Variants in PCBP3 observed in about 807,000 individuals in gnomAD.
PCBP3 encodes the protein poly(rC) binding protein 3.
In PCBP3, 25 loss-of-function variants were observed where a neutral mutation model predicts 52.7. The ratio of observed to expected loss-of-function variants is 0.47; its 90% CI spans 0.35 to 0.66. PCBP3 has a LOEUF of 0.66. PCBP3 is among the 30% of genes least tolerant of loss of function. The pLI is 0.01. For synonymous variants in PCBP3, 162 were observed against 183.0 expected, an observed-to-expected ratio of 0.89 and a Z score of 0.93; for missense variants, 391 against 490.3, an observed-to-expected ratio of 0.80 and a Z score of 1.91.
intron 4 of PCBP3, chr21:45,761,916 A>C (rs2088707345): frequency 6.6e-6 from 1 of 152,262 alleles, no homozygotes; most frequent in Non-Finnish European, 1.5e-5. Context: ...TCCTGATGGC[A>C]TCTTGTAACT....
At chr21:45,701,800 T>A (rs2083145696) in intron 2 of PCBP3, among the ~76,000 whole-genome samples, 2 of 152,236 alleles carry the variant, frequency 1.3e-5, no homozygotes, top group African/African-American at 2.4e-5. Context: ...CCTCAAATGA[T>A]CTGCCCAATT....
At chr21:45,834,536 G>A (rs1336140005) in intron 4 of PCBP3, among the ~76,000 whole-genome samples, 2 of 152,124 alleles carry the variant, frequency 1.3e-5, no homozygotes, top group Non-Finnish European at 2.9e-5. Context: ...AGAGGTCCTC[G>A]TGCTGGCCTC....
intron 4 of PCBP3, among the ~76,000 whole-genome samples, chr21:45,820,014 TG>T (rs1421662745): frequency 5.9e-5 from 9 of 152,222 alleles, no homozygotes; most frequent in Admixed American, 3.9e-4. Flanking sequence ...CTGGGGAAGG[TG>T]GGGTGAATGT....
At chr21:45,878,746 C>T (rs2095329549) in intron 5 of PCBP3, among the ~76,000 whole-genome samples, 2 of 152,158 alleles carry the variant, frequency 1.3e-5, no homozygotes, top group South Asian at 2.1e-4. Flanking sequence ...TGGAGTGTTA[C>T]GACAATATTC....
chr21:45,826,041 G>C (rs1313112483), intron 4 of PCBP3, among the ~76,000 whole-genome samples: 1 of 152,300 alleles, frequency 6.6e-6, no homozygotes, highest in East Asian at 1.9e-4. Context: ...GGAGGCCAAG[G>C]CAAGGTTGGG....
At chr21:45,769,116 T>C (rs1038287751) in intron 4 of PCBP3, among the ~76,000 whole-genome samples, 6 of 152,214 alleles carry the variant, frequency 3.9e-5, no homozygotes, top group African/African-American at 1.4e-4. Flanking sequence ...AGCCCCTCTT[T>C]CATTTGTTTC....
intron 1 of PCBP3, among the ~76,000 whole-genome samples, chr21:45,654,350 T>C (rs929261930): frequency 6.7e-6 from 1 of 148,726 alleles, no homozygotes; most frequent in Non-Finnish European, 1.5e-5. Context: ...TTTTTTTTTT[T>C]TTTTTTTTTG....
At chr21:45,646,270 G>C (rs949108876) in intron 1 of PCBP3, among the ~76,000 whole-genome samples, 1 of 151,920 alleles carries the variant, frequency 6.6e-6, no homozygotes, top group Middle Eastern at 3.4e-3. Flanking sequence ...TTGAAAACAC[G>C]CCATTTTATT....
chr21:45,907,887 G>A (rs1041514746), intron 9 of PCBP3, among the ~76,000 whole-genome samples: 3 of 149,356 alleles, frequency 2.0e-5, no homozygotes, highest in African/African-American at 7.7e-5. Flanking sequence ...GGCAGTGGGA[G>A]GAAAAGGAGG....
chr21:45,797,754 G>C (rs1569235920), intron 4 of PCBP3, among the ~76,000 whole-genome samples: 6 of 1,122 alleles, frequency 5.3e-3, no homozygotes, highest in Admixed American at 8.5e-3. Flanking sequence ...CATAGAGAGA[G>C]TGAATGGATG....
chr21:45,710,878 G>T (rs2148142028), intron 2 of PCBP3, among the ~76,000 whole-genome samples: 1 of 152,182 alleles, frequency 6.6e-6, no homozygotes, highest in African/African-American at 2.4e-5. Context: ...AACAATTCTT[G>T]GGTTTATAGT....
At chr21:45,806,404 C>G (rs1246003850) in intron 4 of PCBP3, among the ~76,000 whole-genome samples, 1 of 152,088 alleles carries the variant, frequency 6.6e-6, no homozygotes, top group Non-Finnish European at 1.5e-5. Flanking sequence ...CTTCTCAGAT[C>G]CACTGGCACA....
chr21:45,940,407 C>T (rs568949813), intron 17 of PCBP3, among the ~76,000 whole-genome samples: 75 of 152,272 alleles, frequency 4.9e-4, no homozygotes, highest in Admixed American at 2.0e-3. Flanking sequence ...CTCACTCTCC[C>T]GACCTCCCAC....
intron 13 of PCBP3, among the ~76,000 whole-genome samples, chr21:45,921,722 G>A (rs2074466642): frequency 6.6e-6 from 1 of 152,222 alleles, no homozygotes; most frequent in African/African-American, 2.4e-5. Context: ...GGGAGGCTGA[G>A]GCGAGAGGAT....
intron 4 of PCBP3, among the ~76,000 whole-genome samples, chr21:45,799,675 G>A (rs964439193): frequency 3.3e-5 from 5 of 152,126 alleles, no homozygotes; most frequent in African/African-American, 9.7e-5. Flanking sequence ...CCAGGTGGAC[G>A]GCCAGGCCAA....
At chr21:45,918,075 CAGAGTCCACA>C in intron 13 of PCBP3, 1 of 252,666 alleles carries the variant, frequency 4.0e-6, no homozygotes, top group South Asian at 4.9e-5. Flanking sequence ...CTCCCCCTTT[CAGAGTCCACA>C]TGAAAACATA....
chr21:45,697,451 A>C (rs1603279960), intron 2 of PCBP3, among the ~76,000 whole-genome samples: 1 of 152,224 alleles, frequency 6.6e-6, no homozygotes, highest in East Asian at 1.9e-4. Flanking sequence ...CACTTAAAAA[A>C]TATCACAAAG....
chr21:45,772,875 C>G (rs2089984098), intron 4 of PCBP3, among the ~76,000 whole-genome samples: 1 of 152,004 alleles, frequency 6.6e-6, no homozygotes, highest in Non-Finnish European at 1.5e-5. Context: ...GTTTGTGTGT[C>G]TTCTTTTAAG....
chr21:45,722,532 A>G (rs1048859600), intron 2 of PCBP3, among the ~76,000 whole-genome samples: 1 of 152,202 alleles, frequency 6.6e-6, no homozygotes. Context: ...CATAAAAGCA[A>G]TCCATACAAT....
Sources: allele counts gnomAD v4.1 joint callset (sites outside exome capture counted in the v4.1 genomes callset), GRCh38; gene constraint gnomAD v4.1.1; transcripts MANE v1.5; gene names NCBI Gene and HGNC (gene_info 2026-07-23, HGNC 2026-07-21).